ANKS1B: variants seen among roughly 807,000 people sequenced by gnomAD.
ANKS1B encodes ankyrin repeat and sterile alpha motif domain-containing protein 1B.
In ANKS1B, 36 loss-of-function variants were observed where a neutral mutation model predicts 148.3. That is an observed-to-expected ratio of 0.24 (90% CI 0.19 to 0.32). The LOEUF is 0.32. Ranked by LOEUF, ANKS1B falls within the 10% of genes least tolerant of loss-of-function variation. The probability of loss-of-function intolerance (pLI) is 1.00; values close to 1 mark genes in which losing one functional copy is unlikely to be tolerated. For synonymous variants in ANKS1B, 542 were observed against 560.8 expected (o/e 0.97, Z 0.47); for missense variants, 1,157 against 1,542.6 (o/e 0.75, Z 4.19).
intron 15 of ANKS1B, among the ~76,000 whole-genome samples, chr12:99,130,860 G>A (rs2065889595): frequency 6.6e-6 from 1 of 152,078 alleles, no homozygotes; most frequent in Non-Finnish European, 1.5e-5. Context: ...CTTGGTACAT[G>A]CTATTTCCTC....
At chr12:99,111,815 C>T (rs1465607802) in intron 15 of ANKS1B, among the ~76,000 whole-genome samples, 2 of 151,750 alleles carry the variant, frequency 1.3e-5, no homozygotes, top group African/African-American at 2.4e-5. Context: ...GGCAACAAGG[C>T]GATGGTGGCA....
intron 12 of ANKS1B, among the ~76,000 whole-genome samples, chr12:99,334,187 T>C (rs561865714): frequency 4.3e-4 from 54 of 124,498 alleles, no homozygotes; most frequent in East Asian, 3.0e-3. Context: ...GACAGATAGA[T>C]AGATACATAG....
chr12:99,667,642 T>A (rs942309857), intron 8 of ANKS1B, among the ~76,000 whole-genome samples: 1 of 152,166 alleles, frequency 6.6e-6, no homozygotes, highest in Non-Finnish European at 1.5e-5. Context: ...AAATCTTAAG[T>A]GAAAAGCATT....
intron 12 of ANKS1B, among the ~76,000 whole-genome samples, chr12:99,335,060 A>G (rs2088497789): frequency 6.6e-6 from 1 of 152,132 alleles, no homozygotes; most frequent in African/African-American, 2.4e-5. Context: ...GCAATTTTGT[A>G]AACTCATAGA....
chr12:99,327,352 ATATTATATATAATTACATAT>A (rs2086636135), intron 12 of ANKS1B, among the ~76,000 whole-genome samples: 2 of 112,998 alleles, frequency 1.8e-5, no homozygotes, highest in African/African-American at 9.1e-5. Flanking sequence ...TTATAATTAC[ATATTATATATAATTACATAT>A]TATATATAAT....
intron 1 of ANKS1B, among the ~76,000 whole-genome samples, chr12:99,870,652 T>A (rs2091395158): frequency 6.6e-6 from 1 of 152,218 alleles, no homozygotes; most frequent in African/African-American, 2.4e-5. Context: ...TGGTTTTGAT[T>A]TGAATTTCTC....
intron 15 of ANKS1B, among the ~76,000 whole-genome samples, chr12:99,090,820 C>T (rs1025124798): frequency 3.9e-5 from 6 of 152,008 alleles, no homozygotes; most frequent in Admixed American, 6.5e-5. Context: ...TTTATTATTC[C>T]TCTGTCAGTG....
intron 1 of ANKS1B, among the ~76,000 whole-genome samples, chr12:99,842,990 C>T (rs78263956): frequency 1.1e-3 from 162 of 152,084 alleles, no homozygotes; most frequent in African/African-American, 3.7e-3. Context: ...TGAATTATTA[C>T]CAAATTTTCT....
At chr12:99,645,353 C>G (rs559169280) in intron 9 of ANKS1B, among the ~76,000 whole-genome samples, 2 of 152,194 alleles carry the variant, frequency 1.3e-5, no homozygotes, top group African/African-American at 2.4e-5. Flanking sequence ...AGCAGTTATA[C>G]GAATAATATC....
intron 4 of ANKS1B, among the ~76,000 whole-genome samples, chr12:99,790,404 A>C (rs748303682): frequency 6.6e-6 from 1 of 152,164 alleles, no homozygotes; most frequent in South Asian, 2.1e-4. Flanking sequence ...GAAATTAATA[A>C]GCAATAAGAA....
chr12:99,347,724 T>A (rs2090906814), intron 12 of ANKS1B, among the ~76,000 whole-genome samples: 1 of 151,862 alleles, frequency 6.6e-6, no homozygotes, highest in African/African-American at 2.4e-5. Flanking sequence ...TAACAAAAAC[T>A]TGGGGACAAG....
At chr12:98,997,469 T>A (rs183926626) in intron 17 of ANKS1B, among the ~76,000 whole-genome samples, 1 of 151,964 alleles carries the variant, frequency 6.6e-6, no homozygotes, top group East Asian at 1.9e-4. Context: ...TGGCGTGATC[T>A]TGGCTCACTG....
At chr12:99,045,994 T>G (rs2099962059) in intron 17 of ANKS1B, among the ~76,000 whole-genome samples, 1 of 152,030 alleles carries the variant, frequency 6.6e-6, no homozygotes, top group Non-Finnish European at 1.5e-5. Context: ...TAAAATCAAA[T>G]GAAAAACCAG....
intron 15 of ANKS1B, among the ~76,000 whole-genome samples, chr12:99,133,297 C>T (rs913541059): frequency 1.3e-5 from 2 of 152,108 alleles, no homozygotes; most frequent in African/African-American, 4.8e-5. Flanking sequence ...AGGTGATCCA[C>T]CTGCCTCGGC....
chr12:98,834,749 C>T (rs532864796), intron 17 of ANKS1B, among the ~76,000 whole-genome samples: 1 of 152,334 alleles, frequency 6.6e-6, no homozygotes, highest in South Asian at 2.1e-4. Flanking sequence ...TGTGGCCCTA[C>T]TGCTGATTAC....
intron 1 of ANKS1B, among the ~76,000 whole-genome samples, chr12:99,861,605 G>A (rs940957575): frequency 5.9e-5 from 9 of 152,050 alleles, no homozygotes; most frequent in Admixed American, 3.3e-4. Flanking sequence ...GAATATCTAC[G>A]AATAATAATC....
intron 17 of ANKS1B, among the ~76,000 whole-genome samples, chr12:98,925,328 G>C (rs1002008575): frequency 3.3e-5 from 5 of 152,144 alleles, no homozygotes; most frequent in African/African-American, 7.2e-5. Flanking sequence ...CTATACTCCG[G>C]CTACACAAAA....
intron 12 of ANKS1B, among the ~76,000 whole-genome samples, chr12:99,329,681 C>A (rs2087129940): frequency 6.6e-6 from 1 of 151,592 alleles, no homozygotes; most frequent in African/African-American, 2.4e-5. Context: ...AATTATAAGC[C>A]TTAAAAATCT....
chr12:99,187,017 C>T (rs2079959843), intron 14 of ANKS1B, among the ~76,000 whole-genome samples: 1 of 151,698 alleles, frequency 6.6e-6, no homozygotes, highest in African/African-American at 2.4e-5. Flanking sequence ...CTGAAAAACA[C>T]AGCACAAGAA....
Sources: allele counts gnomAD v4.1 joint callset (sites outside exome capture counted in the v4.1 genomes callset), GRCh38; gene constraint gnomAD v4.1.1; transcripts MANE v1.5; gene names NCBI Gene and HGNC (gene_info 2026-07-23, HGNC 2026-07-21).